CREBRF: variants seen among roughly 807,000 people sequenced by gnomAD.
CREBRF encodes CREB3 regulatory factor.
In CREBRF, 5 loss-of-function variants were observed where a neutral mutation model predicts 66.1. The observed-to-expected ratio is 0.08, with a 90% CI of 0.04 to 0.16. The LOEUF is 0.16. Among genes scored for constraint, CREBRF ranks in the 10% least tolerant of loss-of-function variants. CREBRF has a pLI of 1.00. For synonymous variants in CREBRF, 229 were observed against 264.4 expected, an observed-to-expected ratio of 0.87 and a Z score of 1.30; for missense variants, 531 against 744.9, an observed-to-expected ratio of 0.71 and a Z score of 3.34.
chr5:173,080,356 A>C (rs980854275), intron 1 of CREBRF, among the ~76,000 whole-genome samples: 1 of 151,794 alleles, frequency 6.6e-6, no homozygotes, highest in Non-Finnish European at 1.5e-5. Flanking sequence ...AATGTTGCCA[A>C]TTGGTTATTG....
intron 1 of CREBRF, among the ~76,000 whole-genome samples, chr5:173,075,802 C>T (rs184012139): frequency 2.6e-5 from 4 of 152,134 alleles, no homozygotes; most frequent in South Asian, 2.1e-4. Flanking sequence ...TGCCTCTCTT[C>T]GTTTCCCTTT....
intron 4 of CREBRF, among the ~76,000 whole-genome samples, chr5:173,107,924 T>C (rs1057215618): frequency 6.6e-6 from 1 of 150,538 alleles, no homozygotes; most frequent in East Asian, 2.0e-4. Flanking sequence ...ATCCGCCTCC[T>C]GAGTTCAAGT....
chr5:173,101,446 T>G (rs1758625537), intron 4 of CREBRF, among the ~76,000 whole-genome samples: 1 of 152,344 alleles, frequency 6.6e-6, no homozygotes, highest in East Asian at 1.9e-4. Flanking sequence ...ACTGACAGTC[T>G]TATGAGAGTT....
intron 1 of CREBRF, among the ~76,000 whole-genome samples, chr5:173,073,980 AAAATAAAT>A (rs56812993): frequency 0.49 from 72,826 of 149,890 alleles, 18,795 homozygotes; most frequent in Non-Finnish European, 0.58. Flanking sequence ...ATAAAAAATA[AAAATAAAT>A]AAATAAATAA....
Position 173,110,524 on chromosome 5 carries a change from A to G in CREBRF, c.1420A>G (p.Lys474Glu). The change falls in exon 6 of 9, where the codon AAA becomes GAA. Residue 474 changes from lysine (K) to glutamate (E), a missense_variant and splice_region_variant. By Grantham distance (56) the Lys-to-Glu change is moderately conservative (BLOSUM62 1). Coordinates refer to ENST00000296953, the MANE Select transcript of CREBRF (RefSeq NM_153607.3). ...MYQKNGLHHG[K>E]YAVKKSRRTD... ...AACTTCTTTTAAACTGTTTATAGGA[A>G]AATATGCAGTAAAGAAGTCACGGAG... is the stretch of plus-strand genomic sequence containing the variant. The G allele has an allele frequency of 6.2e-7, 1 of 1,609,400 alleles. No homozygotes were observed. Among genetic ancestry groups the G allele is most frequent in the Non-Finnish European group, 8.5e-7 (1 of 1,175,760 alleles).
At chr5:173,104,249 G>A (rs1422148128) in intron 4 of CREBRF, among the ~76,000 whole-genome samples, 1 of 152,100 alleles carries the variant, frequency 6.6e-6, no homozygotes, top group African/African-American at 2.4e-5. Flanking sequence ...AATTCACTTC[G>A]GGTAAAACCA....
In CREBRF at chr5:173,129,315, A is replaced by C. The variant is rs982649334; in HGVS notation, c.1805-4315A>C. 9.5e-5 allele frequency among the ~76,000 whole-genome samples: 14 copies of C among 147,988 alleles called. No homozygotes were observed. The Admixed American group carries it at 9.6e-4, about 10-fold the overall frequency. On this transcript the variant is annotated intron_variant, in intron 8 of 8. Transcript: ENST00000296953. ...GTATTTTTAGTAGAGACGAGGTTTC[A>C]CCGTGTCAGCCAGGATGGTCTTGAT... is the stretch of plus-strand genomic sequence containing the variant.
At chr5:173,078,044 T>C (rs982505775) in intron 1 of CREBRF, among the ~76,000 whole-genome samples, 3 of 152,218 alleles carry the variant, frequency 2.0e-5, no homozygotes, top group Non-Finnish European at 2.9e-5. Context: ...GACATATCTG[T>C]TTGAGGCCCT....
intron 3 of CREBRF, among the ~76,000 whole-genome samples, chr5:173,089,901 C>T (rs1162347306): frequency 6.6e-6 from 1 of 152,010 alleles, no homozygotes; most frequent in Non-Finnish European, 1.5e-5. Context: ...TTCTCTCTCA[C>T]TTATCACATT....
chr5:173,124,704 G>C (rs1326667138), intron 8 of CREBRF: 2 of 151,700 alleles, frequency 1.3e-5, no homozygotes, highest in Non-Finnish European at 2.9e-5. Flanking sequence ...TCTTAGAGTT[G>C]GTCATTTTTA....
chr5:173,089,515 CAG>C (rs1758266109), intron 3 of CREBRF, among the ~76,000 whole-genome samples: 1 of 151,978 alleles, frequency 6.6e-6, no homozygotes, highest in African/African-American at 2.4e-5. Flanking sequence ...TCAATGGCTG[CAG>C]AGTCTTAACT....
At chr5:173,080,991 TACA>T (rs1341215404) in intron 2 of CREBRF, among the ~76,000 whole-genome samples, 2 of 152,246 alleles carry the variant, frequency 1.3e-5, no homozygotes, top group Admixed American at 1.3e-4. Flanking sequence ...TAATGAGTTC[TACA>T]TAGGTAGTAT....
At chr5:173,085,371 T>C in intron 2 of CREBRF, 2 of 1,265,600 alleles carry the variant, frequency 1.6e-6, no homozygotes, top group Non-Finnish European at 1.1e-6. Context: ...TCTTCGATCC[T>C]GGAGGCTCCA....
intron 1 of CREBRF, among the ~76,000 whole-genome samples, chr5:173,057,840 C>G (rs1757123405): frequency 6.8e-6 from 1 of 147,790 alleles, no homozygotes; most frequent in Non-Finnish European, 1.5e-5. Flanking sequence ...CATCAGGATG[C>G]CTTTTAAAGA....
At chr5:173,073,882 G>T (rs1757667788) in intron 1 of CREBRF, among the ~76,000 whole-genome samples, 1 of 152,202 alleles carries the variant, frequency 6.6e-6, no homozygotes, top group Non-Finnish European at 1.5e-5. Flanking sequence ...CAGGAGAATT[G>T]CTTGAACCTG....
intron 1 of CREBRF, among the ~76,000 whole-genome samples, chr5:173,079,857 A>G (rs1309604570): frequency 6.6e-6 from 1 of 152,196 alleles, no homozygotes; most frequent in East Asian, 1.9e-4. Context: ...GTCTTCATGG[A>G]GAAGGGAAAA....
intron 2 of CREBRF, among the ~76,000 whole-genome samples, chr5:173,082,003 GTTTTTTTTTTTTTTT>G (rs869148787): frequency 2.6e-5 from 2 of 78,076 alleles, no homozygotes; most frequent in African/African-American, 4.9e-5. Flanking sequence ...TCAAGGTTTA[GTTTTTTTTTTTTTTT>G]TTTTTTTTTT....
At chr5:173,077,550 G>A (rs1438105567) in intron 1 of CREBRF, among the ~76,000 whole-genome samples, 1 of 151,784 alleles carries the variant, frequency 6.6e-6, no homozygotes, top group Non-Finnish European at 1.5e-5. Flanking sequence ...GAGCCACCAT[G>A]CCTGGCTAAT....
chr5:173,061,906 A>AT (rs1757283257), intron 1 of CREBRF, among the ~76,000 whole-genome samples: 1 of 152,154 alleles, frequency 6.6e-6, no homozygotes. Flanking sequence ...ATATTTCACC[A>AT]TTTTTGTTGA....
Sources: allele counts gnomAD v4.1 joint callset (sites outside exome capture counted in the v4.1 genomes callset), GRCh38; gene constraint gnomAD v4.1.1; transcripts MANE v1.5; gene names NCBI Gene and HGNC (gene_info 2026-07-23, HGNC 2026-07-21).